ADGRB3: variants seen among roughly 807,000 people sequenced by gnomAD.
ADGRB3 encodes adhesion G protein-coupled receptor B3.
ADGRB3 carries 37 observed loss-of-function variants against 193.4 expected under a neutral mutation model. The observed-to-expected ratio is 0.19, with a 90% CI of 0.15 to 0.25. The LOEUF is 0.25. Ranked by LOEUF, ADGRB3 falls within the 10% of genes least tolerant of loss-of-function variation. ADGRB3 has a pLI of 1.00. For missense variants in ADGRB3, 1,637 were observed against 1,852.9 expected (o/e 0.88, Z 2.14); for synonymous variants, 690 against 644.2 (o/e 1.07, Z -1.08).
chr6:69,084,301 G>T (rs749254166), intron 17 of ADGRB3, among the ~76,000 whole-genome samples: 17 of 152,084 alleles, frequency 1.1e-4, no homozygotes, highest in African/African-American at 3.9e-4. Flanking sequence ...AAGAATTCTG[G>T]CCAAAGAGAT....
At chr6:69,117,322 T>C (rs1773562029) in intron 17 of ADGRB3, among the ~76,000 whole-genome samples, 1 of 152,228 alleles carries the variant, frequency 6.6e-6, no homozygotes, top group South Asian at 2.1e-4. Flanking sequence ...TCTGTTATAT[T>C]GACATTCTCA....
chr6:69,328,022 A>T (rs1561988773), intron 22 of ADGRB3, 133 bp downstream of exon 22: 1 of 614,848 alleles, frequency 1.6e-6, no homozygotes, highest in Non-Finnish European at 2.6e-6. Flanking sequence ...AGTAAGGAAC[A>T]AAACAAGGTA....
chr6:69,239,082 T>C, intron 19 of ADGRB3, 42 bp from the exon 20 acceptor site: 2 of 1,186,976 alleles, frequency 1.7e-6, no homozygotes, highest in Non-Finnish European at 2.5e-6. Context: ...TTCATCTTTC[T>C]GTTGGATTTT....
intron 20 of ADGRB3, among the ~76,000 whole-genome samples, chr6:69,245,032 G>A (rs1000644821): frequency 5.9e-5 from 9 of 151,872 alleles, no homozygotes; most frequent in South Asian, 2.1e-4. Context: ...TTTTGCATTC[G>A]GAGGCAAAAT....
intron 17 of ADGRB3, among the ~76,000 whole-genome samples, chr6:69,121,824 C>T (rs910300003): frequency 2.9e-4 from 44 of 150,298 alleles, no homozygotes; most frequent in African/African-American, 8.9e-4. Flanking sequence ...AGACAATGGG[C>T]GGCCGGGCAG....
chr6:69,235,254 C>A, intron 19 of ADGRB3, 119 bp downstream of exon 19: 1 of 799,000 alleles, frequency 1.3e-6, no homozygotes, highest in Admixed American at 2.5e-5. Context: ...AGTATTTTTA[C>A]AACAGAGTTA....
intron 20 of ADGRB3, among the ~76,000 whole-genome samples, chr6:69,299,638 T>G (rs1350650203): frequency 6.6e-6 from 1 of 151,936 alleles, no homozygotes; most frequent in Non-Finnish European, 1.5e-5. Context: ...TTGAAGAAAC[T>G]GTCCCTTCCC....
chr6:68,802,434 T>A (rs545419639), intron 3 of ADGRB3, among the ~76,000 whole-genome samples: 1 of 152,200 alleles, frequency 6.6e-6, no homozygotes. Flanking sequence ...TAAAGTTTAT[T>A]CACTGGTGTG....
At chr6:69,044,878 G>C (rs371578960) in intron 13 of ADGRB3, among the ~76,000 whole-genome samples, 1 of 12,666 alleles carries the variant, frequency 7.9e-5, no homozygotes, top group Non-Finnish European at 1.1e-3. Flanking sequence ...TGTAAGAAAG[G>C]CTTTTTTTCA....
chr6:68,764,701 A>C (rs1766474749), intron 3 of ADGRB3, among the ~76,000 whole-genome samples: 1 of 152,160 alleles, frequency 6.6e-6, no homozygotes, highest in Non-Finnish European at 1.5e-5. Flanking sequence ...TTTTTTATTT[A>C]ATAGTTATCC....
intron 3 of ADGRB3, among the ~76,000 whole-genome samples, chr6:68,917,841 T>G (rs1192590682): frequency 6.6e-6 from 1 of 152,176 alleles, no homozygotes; most frequent in Non-Finnish European, 1.5e-5. Flanking sequence ...AGTTCTGAAT[T>G]CCATGCTTCA....
At chr6:69,299,674 C>A (rs967370898) in intron 20 of ADGRB3, among the ~76,000 whole-genome samples, 9 of 151,770 alleles carry the variant, frequency 5.9e-5, no homozygotes, top group African/African-American at 2.2e-4. Context: ...GCAACTCCAT[C>A]AAAAATGAGT....
chr6:68,662,305 G>C (rs999201076), intron 3 of ADGRB3, among the ~76,000 whole-genome samples: 2 of 151,472 alleles, frequency 1.3e-5, no homozygotes, highest in Non-Finnish European at 3.0e-5. Context: ...GGAGAGGGGA[G>C]TCTAAGTTAA....
chr6:69,088,476 G>A (rs1772612743), intron 17 of ADGRB3, among the ~76,000 whole-genome samples: 1 of 152,048 alleles, frequency 6.6e-6, no homozygotes. Context: ...GGGTTCAAGC[G>A]ATTCTCCTGC....
At chr6:68,996,232 C>CT (rs1319676110) in intron 11 of ADGRB3, among the ~76,000 whole-genome samples, 1 of 152,144 alleles carries the variant, frequency 6.6e-6, no homozygotes, top group Admixed American at 6.5e-5. Flanking sequence ...CTTAATGCCT[C>CT]TTTCATCCAT....
chr6:69,230,236 A>G (rs1021897482), intron 17 of ADGRB3, among the ~76,000 whole-genome samples: 1 of 152,174 alleles, frequency 6.6e-6, no homozygotes, highest in East Asian at 1.9e-4. Flanking sequence ...TTATTCTTAT[A>G]TCTTTAATTT....
chr6:69,101,000 G>A (rs1346455955), intron 17 of ADGRB3, among the ~76,000 whole-genome samples: 1 of 96,676 alleles, frequency 1.0e-5, no homozygotes, highest in Non-Finnish European at 2.2e-5. Flanking sequence ...GGAAGGAAGG[G>A]AGGGACACTT....
intron 3 of ADGRB3, among the ~76,000 whole-genome samples, chr6:68,847,426 A>G (rs1337344809): frequency 6.6e-6 from 1 of 152,156 alleles, no homozygotes; most frequent in Non-Finnish European, 1.5e-5. Flanking sequence ...CTCATCTTGA[A>G]TTGTATCTCC....
At chr6:68,929,996 A>G (rs1457750703) in intron 3 of ADGRB3, among the ~76,000 whole-genome samples, 1 of 151,910 alleles carries the variant, frequency 6.6e-6, no homozygotes, top group Non-Finnish European at 1.5e-5. Flanking sequence ...GAAGGAAATA[A>G]TGAGAATGAA....
Sources: allele counts gnomAD v4.1 joint callset (sites outside exome capture counted in the v4.1 genomes callset), GRCh38; gene constraint gnomAD v4.1.1; transcripts MANE v1.5; gene names NCBI Gene and HGNC (gene_info 2026-07-23, HGNC 2026-07-21).